Variants in ROBO2 observed in about 807,000 individuals in gnomAD.
The protein encoded by ROBO2 is roundabout homolog 2.
A neutral mutation model predicts 160.8 loss-of-function variants in ROBO2; 53 were observed. The ratio of observed to expected loss-of-function variants is 0.33; its 90% CI spans 0.26 to 0.41. ROBO2 has a LOEUF of 0.41. Among genes scored for constraint, ROBO2 ranks in the 10% least tolerant of loss-of-function variants. The probability of loss-of-function intolerance (pLI) is 1.00; values close to 1 mark genes in which losing one functional copy is unlikely to be tolerated. For synonymous variants in ROBO2, 664 were observed against 611.7 expected (o/e 1.09, Z -1.26); for missense variants, 1,577 against 1,722.4 (o/e 0.92, Z 1.49).
At chr3:76,878,375 C>T (rs2072993999) in intron 2 of ROBO2, among the ~76,000 whole-genome samples, 1 of 152,132 alleles carries the variant, frequency 6.6e-6, no homozygotes, top group Non-Finnish European at 1.5e-5. Context: ...CTGTTATTCC[C>T]TCCTTATCGA....
chr3:76,354,926 A>G (rs1036778903), intron 2 of ROBO2, among the ~76,000 whole-genome samples: 2 of 151,702 alleles, frequency 1.3e-5, no homozygotes, highest in South Asian at 2.1e-4. Flanking sequence ...TATAAATCCA[A>G]TTTTCCTATT....
intron 2 of ROBO2, among the ~76,000 whole-genome samples, chr3:76,992,522 C>T (rs1226349988): frequency 6.6e-6 from 1 of 151,692 alleles, no homozygotes; most frequent in East Asian, 1.9e-4. Flanking sequence ...GAAGATCGCA[C>T]ATTCTGAGTT....
chr3:76,759,200 A>T (rs1363558310), intron 2 of ROBO2, among the ~76,000 whole-genome samples: 1 of 151,828 alleles, frequency 6.6e-6, no homozygotes, highest in Non-Finnish European at 1.5e-5. Context: ...CTAAGGTCAA[A>T]GCTAATAAAA....
At chr3:76,793,608 T>A (rs1231640145) in intron 2 of ROBO2, among the ~76,000 whole-genome samples, 1 of 151,878 alleles carries the variant, frequency 6.6e-6, no homozygotes, top group Non-Finnish European at 1.5e-5. Context: ...TTTCTTTTAT[T>A]ATTATTATAC....
chr3:77,062,606 CA>C (rs2149779645), intron 1 of ROBO2, among the ~76,000 whole-genome samples: 1 of 152,226 alleles, frequency 6.6e-6, no homozygotes, highest in African/African-American at 2.4e-5. Context: ...ACACTTCTGA[CA>C]CCAGAGCTTA....
chr3:77,294,973 A>C (rs1156374736), intron 2 of ROBO2, among the ~76,000 whole-genome samples: 1 of 151,440 alleles, frequency 6.6e-6, no homozygotes, highest in South Asian at 2.1e-4. Flanking sequence ...TAGATCACCA[A>C]AGACATAAAG....
At chr3:76,855,331 C>A (rs1392430865) in intron 2 of ROBO2, among the ~76,000 whole-genome samples, 1 of 152,108 alleles carries the variant, frequency 6.6e-6, no homozygotes, top group Non-Finnish European at 1.5e-5. Context: ...TTACATATCA[C>A]CTAGACTGTT....
At chr3:76,417,053 T>A (rs2075785918) in intron 2 of ROBO2, among the ~76,000 whole-genome samples, 1 of 150,444 alleles carries the variant, frequency 6.6e-6, no homozygotes, top group Non-Finnish European at 1.5e-5. Context: ...TATCATGGCA[T>A]CCTTAGCATA....
intron 2 of ROBO2, among the ~76,000 whole-genome samples, chr3:76,651,202 T>C (rs2091241401): frequency 6.6e-6 from 1 of 152,062 alleles, no homozygotes; most frequent in South Asian, 2.1e-4. Context: ...CAACTCAACT[T>C]CTCTGTCATC....
intron 12 of ROBO2, among the ~76,000 whole-genome samples, chr3:77,567,472 C>T (rs2093517836): frequency 6.6e-6 from 1 of 151,654 alleles, no homozygotes. Context: ...TCTTAATGGA[C>T]CGAGAATATA....
chr3:76,681,853 A>G (rs1209261881), intron 2 of ROBO2, among the ~76,000 whole-genome samples: 6 of 152,148 alleles, frequency 3.9e-5, no homozygotes, highest in Admixed American at 3.3e-4. Flanking sequence ...GAGATGTTAG[A>G]GAGATAGGCA....
At chr3:76,432,855 G>A (rs2076498986) in intron 2 of ROBO2, among the ~76,000 whole-genome samples, 1 of 151,360 alleles carries the variant, frequency 6.6e-6, no homozygotes, top group South Asian at 2.1e-4. Context: ...GAGGAAGGAA[G>A]GAAGGAAAGA....
chr3:76,789,841 C>T (rs1219851690), intron 2 of ROBO2, among the ~76,000 whole-genome samples: 2 of 151,570 alleles, frequency 1.3e-5, no homozygotes, highest in African/African-American at 4.8e-5. Flanking sequence ...ATTAACAAGT[C>T]CATGAGGAAA....
intron 2 of ROBO2, among the ~76,000 whole-genome samples, chr3:76,451,060 C>G (rs1413512101): frequency 2.6e-5 from 4 of 151,992 alleles, no homozygotes; most frequent in African/African-American, 9.7e-5. Flanking sequence ...GGTTCCAGGC[C>G]TCTTTGGTAG....
intron 2 of ROBO2, among the ~76,000 whole-genome samples, chr3:77,222,072 C>T (rs192780915): frequency 4.6e-5 from 7 of 151,998 alleles, no homozygotes; most frequent in African/African-American, 9.6e-5. Context: ...AGGAGGCTCT[C>T]GATCTCTTGA....
intron 2 of ROBO2, among the ~76,000 whole-genome samples, chr3:76,629,204 G>A (rs1031741356): frequency 2.0e-5 from 3 of 152,130 alleles, no homozygotes; most frequent in African/African-American, 7.2e-5. Flanking sequence ...GAGGGTGAGA[G>A]TAAATCCACC....
At chr3:77,382,362 T>TA (rs138278147) in intron 2 of ROBO2, among the ~76,000 whole-genome samples, 3,736 of 148,964 alleles carry the variant, frequency 0.025, 77 homozygotes, top group African/African-American at 0.063. Flanking sequence ...TTTTTTTTTT[T>TA]AAAAAGTCTT....
At chr3:76,662,402 T>A (rs1217046826) in intron 2 of ROBO2, among the ~76,000 whole-genome samples, 1 of 152,160 alleles carries the variant, frequency 6.6e-6, no homozygotes, top group African/African-American at 2.4e-5. Context: ...TTTTGATACA[T>A]AATTACTTTT....
chr3:76,967,322 C>A (rs1171633213), intron 2 of ROBO2, among the ~76,000 whole-genome samples: 1 of 151,726 alleles, frequency 6.6e-6, no homozygotes, highest in South Asian at 2.1e-4. Flanking sequence ...TTTTCCACCC[C>A]AGACTTCCAA....
Sources: gnomAD v4.1 joint callset for allele counts (sites outside exome capture counted in the v4.1 genomes callset) on GRCh38, gnomAD v4.1.1 for gene constraint, MANE v1.5 for transcripts, NCBI Gene and HGNC (gene_info 2026-07-23, HGNC 2026-07-21) for gene names.